The following ZBTB8A variants were observed in gnomAD, a reference collection of about 807,000 sequenced individuals.
The protein encoded by ZBTB8A is zinc finger and BTB domain containing 8A.
A neutral mutation model predicts 37.8 loss-of-function variants in ZBTB8A; 19 were observed. The observed-to-expected ratio is 0.50, with a 90% CI of 0.35 to 0.74. The LOEUF (loss-of-function observed/expected upper bound fraction) is 0.74, where lower values mean the gene tolerates loss of function less well. Among genes scored for constraint, ZBTB8A ranks in the 30% least tolerant of loss-of-function variants. The pLI is 0.01. For missense variants in ZBTB8A, 394 were observed against 537.8 expected (o/e 0.73, Z 2.65); for synonymous variants, 181 against 185.2 (o/e 0.98, Z 0.19).
intron 2 of ZBTB8A, among the ~76,000 whole-genome samples, chr1:32,578,376 C>G (rs1389324572): frequency 6.6e-6 from 1 of 151,966 alleles, no homozygotes; most frequent in Middle Eastern, 3.4e-3. Context: ...CACATCCAGC[C>G]TAATTTTTGT....
chr1:32,573,423 TTTC>T (rs148608594), intron 2 of ZBTB8A, among the ~76,000 whole-genome samples: 14,852 of 146,268 alleles, frequency 0.1, 831 homozygotes, highest in African/African-American at 0.17. Flanking sequence ...TTTTCAGAAC[TTTC>T]TTCTTCTTTT....
At chr1:32,564,596 C>T (rs1314516815) in intron 2 of ZBTB8A, among the ~76,000 whole-genome samples, 1 of 152,214 alleles carries the variant, frequency 6.6e-6, no homozygotes, top group East Asian at 1.9e-4. Flanking sequence ...GGATTCATCT[C>T]TCTGTCTCTA....
At chr1:32,597,618 G>A (rs575031045) in intron 4 of ZBTB8A, among the ~76,000 whole-genome samples, 71 of 152,148 alleles carry the variant, frequency 4.7e-4, no homozygotes, top group Non-Finnish European at 9.6e-4. Context: ...TCATTGTTAC[G>A]GAGGTGTCAT....
Position 32,600,527 on chromosome 1 carries a change from T to A in ZBTB8A, c.*108T>A. On this transcript the variant is annotated 3_prime_UTR_variant, in exon 5 of 5. Transcript: ENST00000373510. ...GTTAACAAATTTATCACACTGACTT[T>A]AAAGAAATGATCTGATATAACTTGC... The A allele has an allele frequency of 2.5e-6, 2 of 798,036 alleles. No homozygotes were observed. The highest frequency in any genetic ancestry group is 4.0e-6 in the Non-Finnish European group (2 of 505,806). The allele number at this position is 798,036 out of a possible 1,614,324, so 49.4% of individuals were successfully genotyped here.
At chr1:32,556,596 G>C (rs1386677883) in intron 2 of ZBTB8A, among the ~76,000 whole-genome samples, 2 of 152,030 alleles carry the variant, frequency 1.3e-5, no homozygotes, top group African/African-American at 2.4e-5. Context: ...CAAGGTATAG[G>C]GCCGGGCACA....
rs532434070 is a variant in ZBTB8A at position 32,549,560 on chromosome 1, G to A, written c.-83-3899G>A. Among the ~76,000 whole-genome samples the A allele has an allele frequency of 1.1e-4, 17 of 151,932 alleles. 1 individual carries two copies. The East Asian group carries it at 3.1e-3, about 28-fold the overall frequency. Reference sequence around the variant, plus strand: ...GAATCAGGAGGCTGCCAATGACATTGCTAGTGTAATTTAAGGGTCGACTAA... The same window carrying A: ...GAATCAGGAGGCTGCCAATGACATTACTAGTGTAATTTAAGGGTCGACTAA... On this transcript the variant is annotated intron_variant, in intron 1 of 4. Transcript: ENST00000373510.
chr1:32,587,516 C>T (rs1644458594), intron 2 of ZBTB8A, among the ~76,000 whole-genome samples: 1 of 151,870 alleles, frequency 6.6e-6, no homozygotes, highest in Non-Finnish European at 1.5e-5. Context: ...CGTGGTGGCT[C>T]ATGCCTGTAA....
chr1:32,541,629 G>A (rs1644055373), intron 1 of ZBTB8A, among the ~76,000 whole-genome samples: 1 of 152,176 alleles, frequency 6.6e-6, no homozygotes, highest in African/African-American at 2.4e-5. Context: ...AGAAGTTTAG[G>A]CAGTTTGGTG....
At chr1:32,597,679 G>C (rs1644543522) in intron 4 of ZBTB8A, among the ~76,000 whole-genome samples, 1 of 152,106 alleles carries the variant, frequency 6.6e-6, no homozygotes, top group Admixed American at 6.6e-5. Flanking sequence ...TATTTTGGAG[G>C]GATGGACATG....
At chr1:32,552,043 T>C (rs1303083674) in intron 1 of ZBTB8A, among the ~76,000 whole-genome samples, 1 of 152,186 alleles carries the variant, frequency 6.6e-6, no homozygotes, top group Non-Finnish European at 1.5e-5. Flanking sequence ...TAGTGTTGTC[T>C]TAAGTTTATT....
At chr1:32,543,794 A>T (rs1644078617) in intron 1 of ZBTB8A, among the ~76,000 whole-genome samples, 3 of 151,992 alleles carry the variant, frequency 2.0e-5, no homozygotes, top group Admixed American at 2.0e-4. Flanking sequence ...CTCCTGCCTC[A>T]GCCTCCCGAG....
At chr1:32,541,660 G>GCTT (rs1488483022) in intron 1 of ZBTB8A, among the ~76,000 whole-genome samples, 1 of 152,158 alleles carries the variant, frequency 6.6e-6, no homozygotes, top group Non-Finnish European at 1.5e-5. Context: ...GCTGCTCTTT[G>GCTT]CTTCCAAGAT....
At chr1:32,568,287 A>T (rs1039253644) in intron 2 of ZBTB8A, among the ~76,000 whole-genome samples, 1 of 151,894 alleles carries the variant, frequency 6.6e-6, no homozygotes, top group Non-Finnish European at 1.5e-5. Flanking sequence ...AATTTCCCTC[A>T]TGCCTTTTTT....
At chr1:32,573,354 G>A (rs897062517) in intron 2 of ZBTB8A, among the ~76,000 whole-genome samples, 2 of 149,848 alleles carry the variant, frequency 1.3e-5, no homozygotes, top group African/African-American at 2.5e-5. Context: ...GATTACAGGC[G>A]TGAGCCACCG....
intron 2 of ZBTB8A, among the ~76,000 whole-genome samples, chr1:32,572,436 C>T (rs188044040): frequency 6.6e-6 from 1 of 151,010 alleles, no homozygotes; most frequent in African/African-American, 2.4e-5. Context: ...CACTCTGTTA[C>T]CCAGGCTGGA....
chr1:32,585,328 G>C (rs1644439709), intron 2 of ZBTB8A, among the ~76,000 whole-genome samples: 1 of 151,714 alleles, frequency 6.6e-6, no homozygotes, highest in Admixed American at 6.6e-5. Flanking sequence ...AAAATCTCTG[G>C]ATAAACCATT....
chr1:32,600,545 T>A lies in ZBTB8A; in HGVS notation c.*126T>A. On this transcript the variant is annotated 3_prime_UTR_variant, in exon 5 of 5. Transcript: ENST00000373510. ...CTGACTTTAAAGAAATGATCTGATA[T>A]AACTTGCATGCTTTCTGAACAGGCC... 1.4e-6 allele frequency: 1 copy of A among 722,992 alleles called. No homozygotes were observed. Among genetic ancestry groups the A allele is most frequent in the Non-Finnish European group, 2.3e-6 (1 of 444,192 alleles). The allele number at this position is 722,992 out of a possible 1,614,324, so 44.8% of individuals were successfully genotyped here.
chr1:32,573,070 C>CT (rs765833626), intron 2 of ZBTB8A, among the ~76,000 whole-genome samples: 12,023 of 115,694 alleles, frequency 0.1, 917 homozygotes, highest in African/African-American at 0.16. Context: ...TCTCTAGATT[C>CT]TTTTTTTTTT....
At chr1:32,543,294 A>G (rs1644072651) in intron 1 of ZBTB8A, among the ~76,000 whole-genome samples, 1 of 152,080 alleles carries the variant, frequency 6.6e-6, no homozygotes. Context: ...CATGTTGGTC[A>G]GGCTGGTCTC....
Sources: gnomAD v4.1 joint callset for allele counts (sites outside exome capture counted in the v4.1 genomes callset) on GRCh38, gnomAD v4.1.1 for gene constraint, MANE v1.5 for transcripts, NCBI Gene and HGNC (gene_info 2026-07-23, HGNC 2026-07-21) for gene names.